The following PRKD1 variants were observed in gnomAD, a reference collection of about 807,000 sequenced individuals.
The protein encoded by PRKD1 is serine/threonine-protein kinase D1.
In PRKD1, 63 loss-of-function variants were observed where a neutral mutation model predicts 95.9. The observed-to-expected ratio is 0.66, with a 90% CI of 0.54 to 0.81. The LOEUF is 0.81. Among genes scored for constraint, PRKD1 ranks in the 30% least tolerant of loss-of-function variants. PRKD1 has a pLI of 0.00. For missense variants in PRKD1, 1,048 were observed against 1,165.3 expected (o/e 0.90, Z 1.47); for synonymous variants, 425 against 423.1 (o/e 1.00, Z -0.05).
At chr14:29,826,722 C>CATATATATACACATATATATACACAT (rs1891161675) in intron 1 of PRKD1, among the ~76,000 whole-genome samples, 1 of 67,146 alleles carries the variant, frequency 1.5e-5, no homozygotes, top group East Asian at 3.7e-4. Flanking sequence ...TATATATATA[C>CATATATATACACATATATATACACAT]ATATATATAC....
chr14:29,689,279 C>A (rs890698563), intron 2 of PRKD1, among the ~76,000 whole-genome samples: 10 of 149,850 alleles, frequency 6.7e-5, no homozygotes, highest in African/African-American at 2.5e-4. Flanking sequence ...AAAAAAAAAA[C>A]ATTACAAAGT....
intron 1 of PRKD1, among the ~76,000 whole-genome samples, chr14:29,854,598 T>C (rs1892428667): frequency 6.6e-6 from 1 of 152,208 alleles, no homozygotes; most frequent in Non-Finnish European, 1.5e-5. Flanking sequence ...GGAAACAAAG[T>C]ACCATTTTCT....
chr14:29,630,434 C>T (rs764279484), intron 10 of PRKD1: 49 of 265,408 alleles, frequency 1.8e-4, no homozygotes, highest in South Asian at 3.6e-4. Flanking sequence ...CCACTGAGCC[C>T]GGCCAGATTA....
rs147308040 is a variant in PRKD1 at position 29,676,177 on chromosome 14, G to GTTTTTTTGTTTTTTTTTTGTTTTT, written c.404-9970_404-9969insAAAAACAAAAAAAAAACAAAAAAA. Among the ~76,000 whole-genome samples the GTTTTTTTGTTTTTTTTTTGTTTTT allele has an allele frequency of 9.1e-4, 95 of 104,678 alleles. 1 individual carries two copies. The highest frequency in any genetic ancestry group is 1.1e-3 in the South Asian group (3 of 2,834). The allele number at this position is 104,678 out of a possible 152,430, so 68.7% of individuals were successfully genotyped here. A position where few individuals can be genotyped will look rare whatever the true frequency, so the allele number is the denominator to read the frequency against. ...GCTGTAGGCATGCATAGTTCATTACGTTTTTGTTTTTTTTTTTTTTTTTTT... is the reference window on the plus strand; with the variant it reads ...GCTGTAGGCATGCATAGTTCATTACGTTTTTTTGTTTTTTTTTTGTTTTTTTTTTGTTTTTTTTTTTTTTTTTTT... On this transcript the variant is annotated intron_variant, in intron 2 of 17. Transcript: ENST00000331968.
At chr14:29,627,427 G>A (rs959641353) in intron 11 of PRKD1, among the ~76,000 whole-genome samples, 4 of 152,148 alleles carry the variant, frequency 2.6e-5, no homozygotes, top group Non-Finnish European at 4.4e-5. Context: ...AGCTAAACTC[G>A]TCCAATTTCA....
intron 4 of PRKD1, among the ~76,000 whole-genome samples, chr14:29,655,924 A>ATAT (rs1555332531): frequency 4.7e-5 from 7 of 149,590 alleles, no homozygotes; most frequent in African/African-American, 9.8e-5. Context: ...TATAATAAAA[A>ATAT]ATATATATAT....
At chr14:29,837,646 C>A (rs1891662699) in intron 1 of PRKD1, among the ~76,000 whole-genome samples, 1 of 151,878 alleles carries the variant, frequency 6.6e-6, no homozygotes. Flanking sequence ...GATTTTATAC[C>A]TAAAGCTTAC....
intron 1 of PRKD1, among the ~76,000 whole-genome samples, chr14:29,779,111 T>A (rs1046636518): frequency 6.6e-6 from 1 of 152,182 alleles, no homozygotes; most frequent in African/African-American, 2.4e-5. Flanking sequence ...AAACTCTCAA[T>A]AAATTAGGTA....
At chr14:29,731,214 G>T (rs1236180751) in intron 1 of PRKD1, among the ~76,000 whole-genome samples, 1 of 152,110 alleles carries the variant, frequency 6.6e-6, no homozygotes. Flanking sequence ...GGGTTATTCA[G>T]AAGAGTGTTG....
chr14:29,680,159 G>A (rs1040163408), intron 2 of PRKD1, among the ~76,000 whole-genome samples: 4 of 152,160 alleles, frequency 2.6e-5, no homozygotes, highest in Non-Finnish European at 5.9e-5. Flanking sequence ...CTTTAAAAAT[G>A]TACTGTCATT....
rs562118537 is a variant in PRKD1, at chr14:29,598,317, T to G, written c.2167-559A>C. On this transcript the variant is annotated intron_variant, in intron 15 of 17. Coordinates refer to ENST00000331968, the MANE Select transcript of PRKD1 (RefSeq NM_002742.3). ...TAAAATAAAATAAAATAAAATAAAA[T>G]AAAATAAAAATAAATGAAAAAATAA... is the stretch of plus-strand genomic sequence containing the variant. Among the ~76,000 whole-genome samples the G allele has an allele frequency of 1.3e-3, 128 of 100,586 alleles. 2 individuals carry two copies. The highest frequency in any genetic ancestry group is 3.0e-3 in the African/African-American group (61 of 20,504). The allele number at this position is 100,586 out of a possible 152,430, so 66.0% of individuals were successfully genotyped here. A position where few individuals can be genotyped will look rare whatever the true frequency, so the allele number is the denominator to read the frequency against.
chr14:29,681,055 A>C (rs1594422808), intron 2 of PRKD1, among the ~76,000 whole-genome samples: 1 of 152,214 alleles, frequency 6.6e-6, no homozygotes, highest in African/African-American at 2.4e-5. Context: ...AATCCAGCTT[A>C]CTGCAAATGA....
chr14:29,754,223 T>C (rs1887601677), intron 1 of PRKD1, among the ~76,000 whole-genome samples: 1 of 152,182 alleles, frequency 6.6e-6, no homozygotes, highest in Admixed American at 6.6e-5. Context: ...CTCTATAAAT[T>C]AGCTTTTCAT....
rs58908662 is a variant in PRKD1 at position 29,734,028 on chromosome 14, C to CTTTTTT, written c.265-8360_265-8355dup. On this transcript the variant is annotated intron_variant, in intron 1 of 17. Coordinates refer to ENST00000331968, the MANE Select transcript of PRKD1 (RefSeq NM_002742.3). ...CTGGTTTTGAGTCATACTTTCCTGC[C>CTTTTTT]TTTTTTTTTTTTTTTTTTTTTTTTT... Among the ~76,000 whole-genome samples, 104 of 64,674 alleles carry CTTTTTT rather than the reference C, an allele frequency of 1.6e-3. 22 individuals are homozygous for CTTTTTT. The highest frequency in any genetic ancestry group is 5.5e-3 in the East Asian group (12 of 2,172). The allele number at this position is 64,674 out of a possible 152,430, so 42.4% of individuals were successfully genotyped here. A position where few individuals can be genotyped will look rare whatever the true frequency, so the allele number is the denominator to read the frequency against.
At chr14:29,787,628 G>T (rs1003744886) in intron 1 of PRKD1, among the ~76,000 whole-genome samples, 4 of 151,898 alleles carry the variant, frequency 2.6e-5, no homozygotes, top group Non-Finnish European at 5.9e-5. Flanking sequence ...AGGCTATTTG[G>T]TATAATATTA....
intron 13 of PRKD1, among the ~76,000 whole-genome samples, chr14:29,607,367 A>T (rs1167471906): frequency 6.6e-6 from 1 of 152,320 alleles, no homozygotes; most frequent in Middle Eastern, 3.4e-3. Flanking sequence ...TCTGTAGGTC[A>T]GAAGTCTGGT....
chr14:29,592,580 TAGAC>T (rs1566472199), intron 16 of PRKD1: 3 of 119,022 alleles, frequency 2.5e-5, no homozygotes, highest in East Asian at 2.8e-4. Context: ...TACATACAGA[TAGAC>T]AGAAGTAAAG....
intron 1 of PRKD1, among the ~76,000 whole-genome samples, chr14:29,826,521 T>C (rs555171509): frequency 7.1e-4 from 88 of 124,614 alleles, no homozygotes; most frequent in African/African-American, 2.6e-3. Flanking sequence ...AATATATGTA[T>C]ACATATATAT....
At chr14:29,880,861 G>A (rs1273820245) in intron 1 of PRKD1, among the ~76,000 whole-genome samples, 1 of 152,150 alleles carries the variant, frequency 6.6e-6, no homozygotes, top group Non-Finnish European at 1.5e-5. Flanking sequence ...GGACTTGCAT[G>A]GGCCCTTGCA....
Sources: allele counts gnomAD v4.1 joint callset (sites outside exome capture counted in the v4.1 genomes callset), GRCh38; gene constraint gnomAD v4.1.1; transcripts MANE v1.5; gene names NCBI Gene and HGNC (gene_info 2026-07-23, HGNC 2026-07-21).